TTC7A: variants seen among roughly 807,000 people sequenced by gnomAD.
The protein encoded by TTC7A is tetratricopeptide repeat domain 7A, also known as tetratricopeptide repeat protein 7A.
A neutral mutation model predicts 103.7 loss-of-function variants in TTC7A; 110 were observed. The observed-to-expected ratio is 1.06, with a 90% CI of 0.91 to 1.24. TTC7A has a LOEUF of 1.24. TTC7A is among the 50% of genes most tolerant of loss of function. The pLI is 0.00. For missense variants in TTC7A, 1,340 were observed against 1,116.3 expected (o/e 1.20, Z -2.86); for synonymous variants, 521 against 467.9 (o/e 1.11, Z -1.47).
chr2:46,930,546 CT>C (rs1572649285), intron 2 of TTC7A, among the ~76,000 whole-genome samples: 1 of 146,184 alleles, frequency 6.8e-6, no homozygotes, highest in East Asian at 2.0e-4. Context: ...GTACCCCAGG[CT>C]GGAATGCAGT....
chr2:46,918,945 T>A (rs1668956385), intron 2 of TTC7A, among the ~76,000 whole-genome samples: 2 of 152,186 alleles, frequency 1.3e-5, no homozygotes, highest in African/African-American at 4.8e-5. Context: ...AATACCCCAT[T>A]TACTTTGTGT....
chr2:46,948,571 C>A (rs201816540), intron 1 of TTC7A, among the ~76,000 whole-genome samples: 1 of 152,076 alleles, frequency 6.6e-6, no homozygotes, highest in Admixed American at 6.5e-5. Flanking sequence ...GCTTTAGAAC[C>A]GTTCTCTGTG....
chr2:47,043,648 C>G (rs1682002918), intron 15 of TTC7A, among the ~76,000 whole-genome samples: 1 of 152,174 alleles, frequency 6.6e-6, no homozygotes, highest in African/African-American at 2.4e-5. Flanking sequence ...GCAGCGCTCA[C>G]CTGCCAGCCC....
chr2:46,950,347 C>CG lies in TTC7A; in HGVS notation c.185-16_185-15insG. ...TGTTCGGGGTTTGCTGCTCTGACCC[C>CG]TACTTTGCTTTTCAGATGACTTTGG... On this transcript the variant is annotated splice_polypyrimidine_tract_variant and intron_variant, in intron 1 of 19. Transcript: ENST00000319190. 3 of 1,613,766 alleles carry CG rather than the reference C, an allele frequency of 1.9e-6. No homozygotes were observed. The highest frequency in any genetic ancestry group is 2.5e-6 in the Non-Finnish European group (3 of 1,179,944).
chr2:47,033,901 G>A (rs1680830257), intron 15 of TTC7A, among the ~76,000 whole-genome samples: 1 of 152,158 alleles, frequency 6.6e-6, no homozygotes. Flanking sequence ...AGGAAGCTCT[G>A]GGGAAAGGTT....
At chr2:47,006,343 C>T (rs1468823536) in intron 9 of TTC7A, among the ~76,000 whole-genome samples, 6 of 152,182 alleles carry the variant, frequency 3.9e-5, no homozygotes, top group Non-Finnish European at 8.8e-5. Context: ...TACATGTCTA[C>T]GTTTTGAAAG....
intron 19 of TTC7A, 21 bp downstream of exon 19, chr2:47,060,992 C>T (rs1270622982): frequency 8.3e-6 from 13 of 1,564,218 alleles, no homozygotes; most frequent in Non-Finnish European, 1.0e-5. Flanking sequence ...GCCCCCCGCG[C>T]TCCCACCACC....
chr2:46,998,496 C>T (rs1430789607), intron 8 of TTC7A, among the ~76,000 whole-genome samples: 1 of 152,188 alleles, frequency 6.6e-6, no homozygotes, highest in Non-Finnish European at 1.5e-5. Context: ...AACCCCAAGG[C>T]TCCATGTACC....
intron 3 of TTC7A, among the ~76,000 whole-genome samples, chr2:46,963,780 A>T (rs2104098910): frequency 6.6e-6 from 1 of 152,308 alleles, no homozygotes; most frequent in South Asian, 2.1e-4. Context: ...CAGCAGCTCC[A>T]GGAGTACATG....
rs532732221 is a variant in TTC7A at position 47,007,799 on chromosome 2, C to G, written c.1287+1075C>G. On this transcript the variant is annotated intron_variant, in intron 10 of 19. Coordinates refer to ENST00000319190, the MANE Select transcript of TTC7A (RefSeq NM_020458.4). This position sits in a 1 kb window ranked among gnomAD's most constrained non-coding sequence, Gnocchi z 4.9. ...GTCTTTCCAAACCTCTCTCCTCTCC[C>G]CCATCACATCGGACACCTCACAGAG... Among the ~76,000 whole-genome samples the G allele has an allele frequency of 1.3e-4, 20 of 152,346 alleles. No individual in the cohort carries two copies. Among genetic ancestry groups the G allele is most frequent in the African/African-American group, 4.8e-4 (20 of 41,580 alleles).
chr2:47,026,343 C>A (rs1190833723), intron 14 of TTC7A, among the ~76,000 whole-genome samples: 2 of 152,334 alleles, frequency 1.3e-5, no homozygotes, highest in South Asian at 2.1e-4. Flanking sequence ...AGCCAGTGGC[C>A]CCACTGATCT....
chr2:47,065,768 C>G (rs1684133959), intron 19 of TTC7A: 1 of 152,234 alleles, frequency 6.6e-6, no homozygotes, highest in South Asian at 2.1e-4. Context: ...CCCACTCTCC[C>G]TGCCCTCAGC....
At chr2:46,951,805 A>G (rs1439821692) in intron 2 of TTC7A, 1 of 371,994 alleles carries the variant, frequency 2.7e-6, no homozygotes, top group Non-Finnish European at 5.4e-6. Flanking sequence ...TGCACTCTGA[A>G]GGCAATCAAG....
chr2:46,922,217 A>G (rs185756789), intron 2 of TTC7A, among the ~76,000 whole-genome samples: 33 of 152,282 alleles, frequency 2.2e-4, no homozygotes, highest in Non-Finnish European at 3.7e-4. Context: ...TGCCAGGCTG[A>G]TACTATAATG....
At chr2:46,947,082 A>G (rs1572690212) in intron 1 of TTC7A, among the ~76,000 whole-genome samples, 1 of 152,316 alleles carries the variant, frequency 6.6e-6, no homozygotes, top group East Asian at 1.9e-4. Context: ...TGGATTTACA[A>G]CTAGCTTTTA....
In TTC7A at chr2:47,016,336, G is replaced by A. The variant is rs543285415; in HGVS notation, c.1392+4901G>A. 5.9e-5 allele frequency among the ~76,000 whole-genome samples: 9 copies of A among 152,354 alleles called. No homozygotes were observed. The South Asian group carries it at 1.9e-3, about 32-fold the overall frequency. ...TGTGAATCAGCATCAGGAGACTGGGGTTGGAAACAGTTCTGCTACTTCCTA... is the reference window on the plus strand; with the variant it reads ...TGTGAATCAGCATCAGGAGACTGGGATTGGAAACAGTTCTGCTACTTCCTA... On this transcript the variant is annotated intron_variant, in intron 11 of 19. Transcript: ENST00000319190.
chr2:47,053,963 T>G (rs1313000013), intron 18 of TTC7A: 1 of 211,268 alleles, frequency 4.7e-6, no homozygotes, highest in Non-Finnish European at 8.2e-6. Flanking sequence ...TGTTAGCATG[T>G]GCTGATAACT....
chr2:46,968,123 G>T (rs190306604), intron 3 of TTC7A, among the ~76,000 whole-genome samples: 1 of 152,360 alleles, frequency 6.6e-6, no homozygotes, highest in East Asian at 1.9e-4. Context: ...TGGATGTGAT[G>T]AGTCATTCAG....
At position 47,059,009 on chromosome 2, in the gene TTC7A, C is replaced by CTTTTTT. The variant is rs35753980; in HGVS notation, c.2153-1735_2153-1730dup. On this transcript the variant is annotated intron_variant, in intron 18 of 19. Transcript: ENST00000319190. Reference sequence around the variant, plus strand: ...GTGGGGTCCTCACCTCCTAAGCCTGCTTTTTTTTTTTTTTTTTTTTTTTTT... The same window carrying CTTTTTT: ...GTGGGGTCCTCACCTCCTAAGCCTGCTTTTTTTTTTTTTTTTTTTTTTTTTTTTTTT... Among the ~76,000 whole-genome samples, 78 of 44,718 alleles carry CTTTTTT rather than the reference C, an allele frequency of 1.7e-3. 19 individuals are homozygous for CTTTTTT. Among genetic ancestry groups the CTTTTTT allele is most frequent in the African/African-American group, 8.8e-3 (73 of 8,318 alleles). 29.3% of individuals were successfully genotyped at this position (44,718 alleles called of 152,430 possible).
Sources: allele counts gnomAD v4.1 joint callset (sites outside exome capture counted in the v4.1 genomes callset), GRCh38; gene constraint gnomAD v4.1.1; non-coding constraint Gnocchi (gnomAD v3.1); transcripts MANE v1.5; gene names NCBI Gene and HGNC (gene_info 2026-07-23, HGNC 2026-07-21).